THSD7B: variants seen among roughly 807,000 people sequenced by gnomAD.
The protein encoded by THSD7B is thrombospondin type 1 domain containing 7B.
Under a neutral mutation model 213.6 loss-of-function variants are expected in THSD7B, and 138 were observed. That is an observed-to-expected ratio of 0.65 (90% CI 0.56 to 0.74). THSD7B has a LOEUF of 0.74. Ranked by LOEUF, THSD7B falls within the 30% of genes least tolerant of loss-of-function variation. The probability of loss-of-function intolerance (pLI) is 0.00; values close to 1 mark genes in which losing one functional copy is unlikely to be tolerated. For missense variants in THSD7B, 1,931 were observed against 1,991.5 expected (o/e 0.97, Z 0.58); for synonymous variants, 742 against 687.0 (o/e 1.08, Z -1.25).
chr2:137,016,873 G>A (rs958639559), intron 2 of THSD7B, among the ~76,000 whole-genome samples: 6 of 152,280 alleles, frequency 3.9e-5, no homozygotes, highest in East Asian at 3.9e-4. Flanking sequence ...TGGCGTGAAA[G>A]ATAGTGCAAG....
intron 3 of THSD7B, among the ~76,000 whole-genome samples, chr2:137,082,224 G>A (rs57577664): frequency 0.095 from 14,445 of 151,834 alleles, 928 homozygotes; most frequent in African/African-American, 0.18. Context: ...CTTCCTCTAC[G>A]TTCCACACGC....
At chr2:137,538,861 A>G (rs967509119) in intron 15 of THSD7B, among the ~76,000 whole-genome samples, 1 of 151,688 alleles carries the variant, frequency 6.6e-6, no homozygotes, top group Non-Finnish European at 1.5e-5. Context: ...TACTTTCAGA[A>G]TGTCTTAAAT....
intron 2 of THSD7B, among the ~76,000 whole-genome samples, chr2:136,916,298 C>T (rs1016288410): frequency 2.6e-5 from 4 of 152,124 alleles, no homozygotes; most frequent in East Asian, 1.9e-4. Context: ...GAGAATATTC[C>T]GGTCTACTGG....
intron 12 of THSD7B, among the ~76,000 whole-genome samples, chr2:137,291,632 A>G (rs879795882): frequency 1.3e-5 from 2 of 152,146 alleles, no homozygotes; most frequent in Admixed American, 6.6e-5. Context: ...TAAATCAAGT[A>G]ATGGAAAGGG....
intron 6 of THSD7B, among the ~76,000 whole-genome samples, chr2:137,168,166 C>T (rs571287427): frequency 1.3e-5 from 2 of 152,276 alleles, no homozygotes; most frequent in South Asian, 2.1e-4. Context: ...GCCTTTTTCC[C>T]TTGTTAGGTT....
intron 12 of THSD7B, among the ~76,000 whole-genome samples, chr2:137,391,618 C>T (rs929893140): frequency 4.7e-5 from 7 of 150,326 alleles, no homozygotes; most frequent in African/African-American, 1.7e-4. Context: ...ACCCAGGAGG[C>T]GGAGGTTGTG....
intron 2 of THSD7B, among the ~76,000 whole-genome samples, chr2:137,039,172 A>T (rs1204436328): frequency 6.6e-6 from 1 of 152,160 alleles, no homozygotes; most frequent in African/African-American, 2.4e-5. Context: ...CATTTTAAAG[A>T]TGTGGAGAAT....
chr2:137,566,008 T>C (rs367690630), intron 16 of THSD7B, among the ~76,000 whole-genome samples: 19 of 152,286 alleles, frequency 1.2e-4, no homozygotes, highest in African/African-American at 4.3e-4. Flanking sequence ...TACTTTTAAA[T>C]ATGTGAAGCA....
chr2:137,541,876 A>G (rs888937640), intron 15 of THSD7B, among the ~76,000 whole-genome samples: 1 of 139,400 alleles, frequency 7.2e-6, no homozygotes, highest in African/African-American at 3.0e-5. Flanking sequence ...CAGTGAATTC[A>G]AATATATGCC....
At chr2:136,841,673 C>T (rs181667052) in intron 1 of THSD7B, among the ~76,000 whole-genome samples, 2 of 150,214 alleles carry the variant, frequency 1.3e-5, no homozygotes, top group East Asian at 2.0e-4. Context: ...AATTATTGTT[C>T]AGCGTATTAT....
intron 7 of THSD7B, among the ~76,000 whole-genome samples, chr2:137,172,916 A>G (rs1370550867): frequency 6.6e-6 from 1 of 152,102 alleles, no homozygotes; most frequent in African/African-American, 2.4e-5. Flanking sequence ...TTGAGTTTGG[A>G]GTAAGAAGTG....
chr2:136,906,688 G>A (rs1684166607), intron 2 of THSD7B: 2 of 152,124 alleles, frequency 1.3e-5, no homozygotes, highest in African/African-American at 4.8e-5. Flanking sequence ...ATTGACAGGT[G>A]ACTCTGCATG....
intron 15 of THSD7B, chr2:137,538,571 C>G (rs1423966183): frequency 2.0e-6 from 1 of 492,044 alleles, no homozygotes; most frequent in African/African-American, 2.0e-5. Context: ...CTTCACAAAC[C>G]AGCTTTTTTT....
intron 15 of THSD7B, among the ~76,000 whole-genome samples, chr2:137,514,683 T>C (rs1680033883): frequency 6.6e-6 from 1 of 152,194 alleles, no homozygotes; most frequent in South Asian, 2.1e-4. Flanking sequence ...CTTAATATGA[T>C]GAACCCAAAA....
intron 20 of THSD7B, among the ~76,000 whole-genome samples, chr2:137,632,455 C>G (rs1237770525): frequency 6.6e-6 from 1 of 152,116 alleles, no homozygotes; most frequent in Non-Finnish European, 1.5e-5. Flanking sequence ...AGATTAGCTC[C>G]AAGATTTGCA....
chr2:137,463,139 T>TA (rs1573640014), intron 15 of THSD7B, among the ~76,000 whole-genome samples: 1 of 152,260 alleles, frequency 6.6e-6, no homozygotes, highest in East Asian at 1.9e-4. Context: ...ACATTGGATT[T>TA]AAAATCATGT....
intron 7 of THSD7B, among the ~76,000 whole-genome samples, chr2:137,198,861 C>T (rs968102242): frequency 7.9e-5 from 12 of 152,118 alleles, no homozygotes; most frequent in Non-Finnish European, 1.5e-4. Flanking sequence ...AACCACCTTA[C>T]TGTTGCTGTT....
At chr2:136,831,039 G>C (rs1175349578) in intron 1 of THSD7B, among the ~76,000 whole-genome samples, 1 of 150,868 alleles carries the variant, frequency 6.6e-6, no homozygotes, top group African/African-American at 2.4e-5. Flanking sequence ...AAACTGATTT[G>C]GCATTTCTTC....
rs964955462 is a variant in THSD7B at position 137,605,740 on chromosome 2, C to T, written c.3424-10435C>T. Among the ~76,000 whole-genome samples, 8 of 135,256 alleles carry T rather than the reference C, an allele frequency of 5.9e-5. No individual in the cohort carries two copies. The Admixed American group carries it at 7.0e-4, about 12-fold the overall frequency. 88.7% of individuals were successfully genotyped at this position (135,256 alleles called of 152,430 possible). On this transcript the variant is annotated intron_variant, in intron 17 of 27. Transcript: ENST00000409968. ...CTGGAGTGCAGTGGTGCGATCTCAGCTCACTGCAACTTCCGCATCCCTGGT... is the reference window on the plus strand; with the variant it reads ...CTGGAGTGCAGTGGTGCGATCTCAGTTCACTGCAACTTCCGCATCCCTGGT...
Sources: gnomAD v4.1 joint callset for allele counts (sites outside exome capture counted in the v4.1 genomes callset) on GRCh38, gnomAD v4.1.1 for gene constraint, MANE v1.5 for transcripts, NCBI Gene and HGNC (gene_info 2026-07-23, HGNC 2026-07-21) for gene names.